The following BDH1 variants were observed in gnomAD, a reference collection of about 807,000 sequenced individuals.
The protein encoded by BDH1 is D-beta-hydroxybutyrate dehydrogenase, mitochondrial.
BDH1 carries 30 observed loss-of-function variants against 33.1 expected under a neutral mutation model. The observed-to-expected ratio is 0.91, with a 90% confidence interval of 0.68 to 1.23. The LOEUF (loss-of-function observed/expected upper bound fraction) is 1.23. BDH1 is among the 50% of genes most tolerant of loss of function. The pLI is 0.00. For synonymous variants in BDH1, 190 were observed against 183.6 expected (o/e 1.03, Z -0.28); for missense variants, 443 against 464.4 (o/e 0.95, Z 0.42).
At chr3:197,544,128 G>T (rs1368555281) in intron 3 of BDH1, among the ~76,000 whole-genome samples, 1 of 152,114 alleles carries the variant, frequency 6.6e-6, no homozygotes, top group East Asian at 1.9e-4. Context: ...TCAGGCCAAA[G>T]TTTTCCCTCT....
upstream of BDH1, among the ~76,000 whole-genome samples, chr3:197,556,832 C>G (rs933986535): frequency 2.0e-5 from 3 of 152,242 alleles, no homozygotes; most frequent in African/African-American, 7.2e-5. Context: ...CAGCACACCT[C>G]AGTTTCCAGG....
At chr3:197,530,901 G>A (rs1714582489) in intron 5 of BDH1, among the ~76,000 whole-genome samples, 1 of 152,182 alleles carries the variant, frequency 6.6e-6, no homozygotes, top group South Asian at 2.1e-4. Flanking sequence ...ATAGGGGTGA[G>A]GGAATAACGC....
intron 3 of BDH1, among the ~76,000 whole-genome samples, chr3:197,544,455 C>T (rs1289000050): frequency 2.0e-5 from 3 of 152,174 alleles, no homozygotes; most frequent in Non-Finnish European, 4.4e-5. Context: ...GGATTATCTT[C>T]TCCTCTATAA....
chr3:197,515,229 C>T, intron 6 of BDH1: 1 of 957,286 alleles, frequency 1.0e-6, no homozygotes, highest in South Asian at 4.8e-5. Context: ...GGTGCCTTCT[C>T]CTTCAATTAT....
rs745649377 is a variant in BDH1 at position 197,551,742 on chromosome 3, C to G, written c.-44+2820G>C. ...GTTTTGACCCCTATTCTGAGAATGCCTCATTTATAATGACCTTATAACGAC... is the reference window on the plus strand; with the variant it reads ...GTTTTGACCCCTATTCTGAGAATGCGTCATTTATAATGACCTTATAACGAC... On this transcript the variant is annotated intron_variant, in intron 2 of 7. Transcript: ENST00000392379. 1.9e-4 allele frequency among the ~76,000 whole-genome samples: 29 copies of G among 152,142 alleles called. 1 individual carries two copies. The highest frequency in any genetic ancestry group is 3.9e-4 in the Admixed American group (6 of 15,272).
chr3:197,570,348 T>A (rs990696164), intron 1 of BDH1, among the ~76,000 whole-genome samples: 1 of 152,172 alleles, frequency 6.6e-6, no homozygotes, highest in Admixed American at 6.5e-5. Context: ...TGAGGAGAAA[T>A]TCAAGCTGGC....
At chr3:197,535,687 T>A (rs920871959) in intron 3 of BDH1, among the ~76,000 whole-genome samples, 1 of 152,222 alleles carries the variant, frequency 6.6e-6, no homozygotes, top group African/African-American at 2.4e-5. Flanking sequence ...ATGCTTTTGA[T>A]GTCAAGTCTC....
rs996560293 is a variant in BDH1, at chr3:197,525,866, G to A, written c.268-3085C>T. Among the ~76,000 whole-genome samples the A allele has an allele frequency of 6.6e-5, 10 of 151,568 alleles. No individual in the cohort carries two copies. The highest frequency in any genetic ancestry group is 2.0e-4 in the African/African-American group (8 of 41,022). On this transcript the variant is annotated intron_variant, in intron 5 of 7. Coordinates refer to ENST00000392379, the MANE Select transcript of BDH1 (RefSeq NM_203314.3). The surrounding 1 kb of genome is among the most constrained non-coding windows in gnomAD (Gnocchi z 4.9). ...TTCTGTGCTCCCTCTGCAGGTCTCC[G>A]TGCTCCCTCTGCAGGTCTGTGTGCT...
Position 197,532,532 on chromosome 3 carries a change from A to G in BDH1, c.157-10T>C, listed in dbSNP as rs1714763941. On this transcript the variant is annotated splice_polypyrimidine_tract_variant and intron_variant, in intron 4 of 7. Transcript: ENST00000392379. ...CAGCTTTGCTGCCAACCTGTTTTAC[A>G]AGGTCAGATTCCATGTTAGGAACCG... The G allele has an allele frequency of 6.2e-7, 1 of 1,608,612 alleles. No individual in the cohort carries two copies. Among genetic ancestry groups the G allele is most frequent in the Non-Finnish European group, 8.5e-7 (1 of 1,175,054 alleles).
At chr3:197,564,764 AAG>A (rs1422422967) in intron 1 of BDH1, among the ~76,000 whole-genome samples, 1 of 152,218 alleles carries the variant, frequency 6.6e-6, no homozygotes, top group African/African-American at 2.4e-5. Context: ...TCAAATTAAC[AAG>A]GTTTTTATGA....
rs1001122384 is a variant in BDH1 at position 197,555,886 on chromosome 3, G to A, written c.-301C>T. 2 of 152,286 alleles carry A rather than the reference G, an allele frequency of 1.3e-5. No individual in the cohort carries two copies. The highest frequency in any genetic ancestry group is 4.8e-5 in the African/African-American group (2 of 41,472). The allele number at this position is 152,286 out of a possible 1,614,324, so 9.4% of individuals were successfully genotyped here. On this transcript the variant is annotated 5_prime_UTR_variant, in exon 1 of 8. Coordinates refer to ENST00000392379, the MANE Select transcript of BDH1 (RefSeq NM_203314.3). The stretch of plus-strand genomic sequence containing the variant: ...GCTCTCCTGCGGGGAGAGCCGAGGG[G>A]GGGCGCTGCCGCAGGGTCTTTCTGG...
chr3:197,568,628 AC>A (rs1275154317), intron 1 of BDH1, among the ~76,000 whole-genome samples: 1 of 152,076 alleles, frequency 6.6e-6, no homozygotes, highest in Non-Finnish European at 1.5e-5. Flanking sequence ...CTTAACTCTT[AC>A]GTATTCATTA....
Position 197,522,632 on chromosome 3 carries a change from C to G in BDH1, c.409+8G>C, listed in dbSNP as rs148513080. 1,033 of 1,613,894 alleles carry G rather than the reference C, an allele frequency of 6.4e-4. 8 individuals are homozygous for G. The African/African-American group carries it at 0.012, about 19-fold the overall frequency. On this transcript the variant is annotated splice_region_variant and intron_variant, in intron 6 of 7. Transcript: ENST00000392379. This position sits in a 1 kb window ranked among gnomAD's most constrained non-coding sequence, Gnocchi z 4.8. ...ACACAACCCCTGCCGTCCGAAGGGGCGCCCTACCTTTCTCAGGGTCCTTCA... is the reference window on the plus strand; with the variant it reads ...ACACAACCCCTGCCGTCCGAAGGGGGGCCCTACCTTTCTCAGGGTCCTTCA...
At chr3:197,524,743 G>A (rs1039549818) in intron 5 of BDH1, among the ~76,000 whole-genome samples, 44 of 152,120 alleles carry the variant, frequency 2.9e-4, no homozygotes, top group African/African-American at 9.9e-4. Flanking sequence ...GGGATGTTTG[G>A]GGGTTGGGGG....
In BDH1 at chr3:197,525,561, G is replaced by A. The variant is rs780900865; in HGVS notation, c.268-2780C>T. Among the ~76,000 whole-genome samples the A allele has an allele frequency of 7.9e-5, 12 of 152,134 alleles. No homozygotes were observed. The highest frequency in any genetic ancestry group is 1.0e-4 in the Non-Finnish European group (7 of 68,030). Reference sequence around the variant, plus strand: ...CTAGGGGATTAATCTCACTGCCCACGGCTTCAGGCTCCCGAGGAGAGCAAC... The same window carrying A: ...CTAGGGGATTAATCTCACTGCCCACAGCTTCAGGCTCCCGAGGAGAGCAAC... On this transcript the variant is annotated intron_variant, in intron 5 of 7. Transcript: ENST00000392379. The surrounding 1 kb of genome is among the most constrained non-coding windows in gnomAD (Gnocchi z 4.9).
chr3:197,542,427 A>G (rs1010329580), intron 3 of BDH1, among the ~76,000 whole-genome samples: 9 of 151,736 alleles, frequency 5.9e-5, no homozygotes, highest in African/African-American at 2.2e-4. Context: ...CTGCTGGCCA[A>G]CCAAGCCACT....
At chr3:197,519,024 A>G (rs1480919915) in intron 6 of BDH1, among the ~76,000 whole-genome samples, 1 of 66,492 alleles carries the variant, frequency 1.5e-5, no homozygotes, top group Non-Finnish European at 2.6e-5. Flanking sequence ...TTCCTGCTCT[A>G]TGGTCTCCAT....
At chr3:197,571,624 A>T (rs1717609874) in intron 1 of BDH1, among the ~76,000 whole-genome samples, 1 of 152,198 alleles carries the variant, frequency 6.6e-6, no homozygotes, top group Admixed American at 6.5e-5. Flanking sequence ...ACCATGTAAG[A>T]TGTGCCTTTT....
In BDH1 at chr3:197,516,273, G is replaced by A. The variant is rs149401425; in HGVS notation, c.410-1857C>T. On this transcript the variant is annotated intron_variant, in intron 6 of 7. Transcript: ENST00000392379. The surrounding 1 kb of genome is among the most constrained non-coding windows in gnomAD (Gnocchi z 4.2). ...CTTCATGTTTGTGAATTTTGCAGCC[G>A]TTTTGTGTTTGATTCATAACGGACA... 7.9e-5 allele frequency among the ~76,000 whole-genome samples: 12 copies of A among 152,230 alleles called. No homozygotes were observed. Among genetic ancestry groups the A allele is most frequent in the African/African-American group, 1.7e-4 (7 of 41,528 alleles).
Sources: gnomAD v4.1 joint callset for allele counts (sites outside exome capture counted in the v4.1 genomes callset) on GRCh38, gnomAD v4.1.1 for gene constraint, Gnocchi (gnomAD v3.1) non-coding constraint, MANE v1.5 for transcripts, NCBI Gene and HGNC (gene_info 2026-07-23, HGNC 2026-07-21) for gene names.